The following RTN1 variants were observed in gnomAD, a reference collection of about 807,000 sequenced individuals.
The protein encoded by RTN1 is reticulon-1.
RTN1 carries 25 observed loss-of-function variants against 65.5 expected under a neutral mutation model. That is an observed-to-expected ratio of 0.38 (90% CI 0.28 to 0.53). The LOEUF (loss-of-function observed/expected upper bound fraction) is 0.53. Ranked by LOEUF, RTN1 falls within the 20% of genes least tolerant of loss-of-function variation. The pLI is 0.79. For synonymous variants in RTN1, 471 were observed against 447.6 expected, an observed-to-expected ratio of 1.05 and a Z score of -0.66; for missense variants, 983 against 1,025.4, an observed-to-expected ratio of 0.96 and a Z score of 0.57.
intron 1 of RTN1, among the ~76,000 whole-genome samples, chr14:59,751,160 C>G (rs1252304639): frequency 1.4e-5 from 2 of 137,982 alleles, no homozygotes; most frequent in African/African-American, 2.7e-5. Flanking sequence ...TAGTTGAAAT[C>G]TATACATCTC....
At chr14:59,763,813 G>A (rs1398749896) in intron 1 of RTN1, among the ~76,000 whole-genome samples, 1 of 152,130 alleles carries the variant, frequency 6.6e-6, no homozygotes, top group Non-Finnish European at 1.5e-5. Context: ...TTACAGGCAT[G>A]AGCCACCGCG....
At chr14:59,733,232 C>T (rs971247389) in intron 2 of RTN1, among the ~76,000 whole-genome samples, 15 of 152,220 alleles carry the variant, frequency 9.9e-5, no homozygotes, top group African/African-American at 3.6e-4. Flanking sequence ...GCTGGGATTA[C>T]AGGGGTGCCC....
chr14:59,763,681 T>TC (rs1403104164), intron 1 of RTN1, among the ~76,000 whole-genome samples: 1 of 151,838 alleles, frequency 6.6e-6, no homozygotes, highest in East Asian at 1.9e-4. Context: ...TACAGGCACC[T>TC]CCCACGACGC....
At chr14:59,857,422 T>C (rs1376564336) in intron 1 of RTN1, among the ~76,000 whole-genome samples, 2 of 152,170 alleles carry the variant, frequency 1.3e-5, no homozygotes, top group Non-Finnish European at 2.9e-5. Context: ...AGTGAATTCA[T>C]TATCCTCTCT....
At chr14:59,796,913 A>G (rs981709801) in intron 1 of RTN1, among the ~76,000 whole-genome samples, 2 of 152,210 alleles carry the variant, frequency 1.3e-5, no homozygotes, top group African/African-American at 4.8e-5. Flanking sequence ...TGCCTAAAAT[A>G]GTGCCTCACA....
intron 1 of RTN1, among the ~76,000 whole-genome samples, chr14:59,789,051 T>C (rs1166918824): frequency 6.6e-6 from 1 of 152,100 alleles, no homozygotes; most frequent in African/African-American, 2.4e-5. Context: ...AATTTTTCCC[T>C]ACATATTTTT....
At chr14:59,861,499 G>T (rs973291016) in intron 1 of RTN1, among the ~76,000 whole-genome samples, 1 of 152,164 alleles carries the variant, frequency 6.6e-6, no homozygotes, top group Admixed American at 6.5e-5. Context: ...CAATAACAAT[G>T]TCAAGTTAGG....
chr14:59,752,186 G>A (rs533280149), intron 1 of RTN1, among the ~76,000 whole-genome samples: 8 of 152,182 alleles, frequency 5.3e-5, no homozygotes, highest in Admixed American at 2.6e-4. Context: ...CCATTTAGGC[G>A]GTTGCAACAA....
At chr14:59,863,142 A>G (rs768907310) in intron 1 of RTN1, among the ~76,000 whole-genome samples, 4 of 151,980 alleles carry the variant, frequency 2.6e-5, no homozygotes, top group Non-Finnish European at 5.9e-5. Flanking sequence ...CGCAACACCA[A>G]TCTTTCCCTG....
At chr14:59,776,572 GGAACTTTGTTCATCTT>G (rs1886054753) in intron 1 of RTN1, among the ~76,000 whole-genome samples, 1 of 152,106 alleles carries the variant, frequency 6.6e-6, no homozygotes, top group Non-Finnish European at 1.5e-5. Context: ...TTCAAAAATA[GGAACTTTGTTCATCTT>G]GAAAGTGTTT....
intron 1 of RTN1, among the ~76,000 whole-genome samples, chr14:59,765,999 G>T (rs1214086852): frequency 2.0e-5 from 3 of 152,314 alleles, no homozygotes; most frequent in African/African-American, 7.2e-5. Context: ...GGAGGCCTAG[G>T]CGGGTGGATC....
At chr14:59,719,234 T>C (rs949431925) in intron 3 of RTN1, among the ~76,000 whole-genome samples, 2 of 152,242 alleles carry the variant, frequency 1.3e-5, no homozygotes, top group Non-Finnish European at 2.9e-5. Context: ...ATTCTTCCCC[T>C]TGCCTACCAC....
chr14:59,671,253 G>A (rs1430507386), intron 3 of RTN1, among the ~76,000 whole-genome samples: 1 of 152,120 alleles, frequency 6.6e-6, no homozygotes. Flanking sequence ...AAAAATTATA[G>A]TTTTACCATA....
At chr14:59,714,341 A>C (rs1884488413) in intron 3 of RTN1, among the ~76,000 whole-genome samples, 1 of 152,188 alleles carries the variant, frequency 6.6e-6, no homozygotes. Flanking sequence ...ATCATGGGTT[A>C]TCCCATTAGA....
chr14:59,837,330 T>TA lies in RTN1; in HGVS notation c.241+33059dup, dbSNP rs199628871. On this transcript the variant is annotated intron_variant, in intron 1 of 8. Coordinates refer to ENST00000267484, the MANE Select transcript of RTN1 (RefSeq NM_021136.3). Reference sequence around the variant, plus strand: ...TCAAAATTGATTAAATGATAAAATGTAAAAAAATAAAATATTTAAGAGAAA... The same window carrying TA: ...TCAAAATTGATTAAATGATAAAATGTAAAAAAAATAAAATATTTAAGAGAAA... Among the ~76,000 whole-genome samples the TA allele has an allele frequency of 9.2e-3, 1,395 of 152,022 alleles. 17 individuals carry two copies. The highest frequency in any genetic ancestry group is 0.032 in the African/African-American group (1,325 of 41,506).
At chr14:59,800,619 C>T (rs750940496) in intron 1 of RTN1, among the ~76,000 whole-genome samples, 3 of 152,164 alleles carry the variant, frequency 2.0e-5, no homozygotes, top group Non-Finnish European at 2.9e-5. Context: ...CCAGGATGGT[C>T]TCGATTTCCT....
At chr14:59,767,874 G>A (rs1449285653) in intron 1 of RTN1, among the ~76,000 whole-genome samples, 2 of 152,066 alleles carry the variant, frequency 1.3e-5, no homozygotes, top group East Asian at 1.9e-4. Context: ...GTATCTGATC[G>A]CTCTGAATCT....
chr14:59,701,533 C>T (rs1000346858), intron 3 of RTN1, among the ~76,000 whole-genome samples: 1 of 151,986 alleles, frequency 6.6e-6, no homozygotes, highest in Admixed American at 6.6e-5. Context: ...ATGGATGAAC[C>T]CTGAAAATAT....
At chr14:59,751,360 C>A (rs529482021) in intron 1 of RTN1, among the ~76,000 whole-genome samples, 1 of 152,014 alleles carries the variant, frequency 6.6e-6, no homozygotes, top group South Asian at 2.1e-4. Context: ...GCACACACAC[C>A]TTTATCCTGA....
Sources: allele counts gnomAD v4.1 joint callset (sites outside exome capture counted in the v4.1 genomes callset), GRCh38; gene constraint gnomAD v4.1.1; transcripts MANE v1.5; gene names NCBI Gene and HGNC (gene_info 2026-07-23, HGNC 2026-07-21).